Variants in CTIF observed in about 807,000 individuals in gnomAD.
The protein encoded by CTIF is cap binding complex dependent translation initiation factor.
CTIF carries 21 observed loss-of-function variants against 66.0 expected under a neutral mutation model. That is an observed-to-expected ratio of 0.32 (90% CI 0.23 to 0.46). CTIF has a LOEUF of 0.46. Ranked by LOEUF, CTIF falls within the 20% of genes least tolerant of loss-of-function variation. The pLI is 1.00. For missense variants in CTIF, 739 were observed against 812.7 expected (o/e 0.91, Z 1.10); for synonymous variants, 345 against 326.4 (o/e 1.06, Z -0.62).
chr18:48,565,427 T>A (rs2089258558), intron 1 of CTIF: 1 of 152,196 alleles, frequency 6.6e-6, no homozygotes, highest in Non-Finnish European at 1.5e-5. Flanking sequence ...TCTCCTGCCT[T>A]GGGGCATGTG....
rs963949221 is a variant in CTIF at position 48,861,031 on chromosome 18, T to C, written c.*1472T>C. ...GCCGCTTCCTTATTTGCTCTTTTAT[T>C]GAGGCCGGGCAGGCCCTGGGTCACT... On this transcript the variant is annotated 3_prime_UTR_variant, in exon 12 of 12. Coordinates refer to ENST00000256413, the MANE Select transcript of CTIF (RefSeq NM_014772.3). 1.3e-5 allele frequency: 2 copies of C among 152,214 alleles called. No homozygotes were observed. The highest frequency in any genetic ancestry group is 4.8e-5 in the African/African-American group (2 of 41,420). The allele number at this position is 152,214 out of a possible 1,614,324, so 9.4% of individuals were successfully genotyped here. A position where few individuals can be genotyped will look rare whatever the true frequency, so the allele number is the denominator to read the frequency against.
chr18:48,683,889 G>C (rs1490277172), intron 6 of CTIF, among the ~76,000 whole-genome samples: 2 of 152,182 alleles, frequency 1.3e-5, no homozygotes, highest in Non-Finnish European at 2.9e-5. Context: ...TGGGGCCCAG[G>C]CTCCCAAGCT....
chr18:48,829,727 G>A (rs1225063739), intron 10 of CTIF, among the ~76,000 whole-genome samples: 2 of 152,196 alleles, frequency 1.3e-5, no homozygotes, highest in South Asian at 2.1e-4. Flanking sequence ...AGGAGCAAAC[G>A]GTGCCCTGCA....
intron 6 of CTIF, among the ~76,000 whole-genome samples, chr18:48,693,767 A>G (rs989021989): frequency 6.6e-6 from 1 of 152,210 alleles, no homozygotes; most frequent in African/African-American, 2.4e-5. Context: ...ATTGGTTTTT[A>G]TAAATAAAGC....
chr18:48,749,230 G>A (rs974461379), intron 7 of CTIF, among the ~76,000 whole-genome samples: 8 of 152,226 alleles, frequency 5.3e-5, no homozygotes, highest in South Asian at 2.1e-4. Context: ...CAGAGGGCCA[G>A]CTAAGGCCCA....
chr18:48,831,368 G>A (rs1239522698), intron 10 of CTIF, among the ~76,000 whole-genome samples: 1 of 152,246 alleles, frequency 6.6e-6, no homozygotes, highest in East Asian at 1.9e-4. Flanking sequence ...ACAATCTTTA[G>A]GAGAAGTCAG....
At chr18:48,749,785 C>G (rs1388148891) in intron 7 of CTIF, among the ~76,000 whole-genome samples, 1 of 152,330 alleles carries the variant, frequency 6.6e-6, no homozygotes, top group East Asian at 1.9e-4. Context: ...CTCTGGGGAT[C>G]TGGCTCCAAA....
intron 1 of CTIF, among the ~76,000 whole-genome samples, chr18:48,542,196 T>C (rs1467223913): frequency 6.6e-6 from 1 of 152,256 alleles, no homozygotes; most frequent in Non-Finnish European, 1.5e-5. Flanking sequence ...ACGCATTTAA[T>C]AATTTGCTGT....
chr18:48,825,194 CACCA>C (rs2068558941), intron 10 of CTIF, among the ~76,000 whole-genome samples: 1 of 152,142 alleles, frequency 6.6e-6, no homozygotes, highest in Non-Finnish European at 1.5e-5. Flanking sequence ...TCCTGATCCC[CACCA>C]ACCTCTCCCT....
chr18:48,783,594 C>G (rs866729048), intron 9 of CTIF, among the ~76,000 whole-genome samples: 1 of 152,118 alleles, frequency 6.6e-6, no homozygotes, highest in East Asian at 1.9e-4. Flanking sequence ...GGGGAGGCCT[C>G]CGACCCTGGG....
At chr18:48,711,730 C>T (rs2092225584) in intron 7 of CTIF, 35 bp downstream of exon 7, 1 of 1,571,384 alleles carries the variant, frequency 6.4e-7, no homozygotes, top group Non-Finnish European at 8.8e-7. Flanking sequence ...TTGGGTTTTC[C>T]TTTCCTGCTT....
intron 6 of CTIF, among the ~76,000 whole-genome samples, chr18:48,704,853 A>G (rs1388983529): frequency 1.3e-5 from 2 of 152,202 alleles, no homozygotes; most frequent in Admixed American, 1.3e-4. Flanking sequence ...TCAACCCATG[A>G]CATCATCCAG....
intron 10 of CTIF, among the ~76,000 whole-genome samples, chr18:48,854,014 T>C (rs774172037): frequency 1.3e-5 from 2 of 152,226 alleles, no homozygotes; most frequent in Non-Finnish European, 2.9e-5. Flanking sequence ...TCTCACCTTC[T>C]ACCCTTCCTT....
chr18:48,731,779 G>A (rs1443679738), intron 7 of CTIF, among the ~76,000 whole-genome samples: 2 of 152,168 alleles, frequency 1.3e-5, no homozygotes, highest in Non-Finnish European at 2.9e-5. Flanking sequence ...TGCTTTTTAT[G>A]GGACACCTCC....
chr18:48,606,163 C>G (rs191871602), intron 1 of CTIF, among the ~76,000 whole-genome samples: 3 of 152,202 alleles, frequency 2.0e-5, no homozygotes, highest in Non-Finnish European at 4.4e-5. Flanking sequence ...CCAGAAGAAG[C>G]CTTTGCAGCT....
intron 5 of CTIF, among the ~76,000 whole-genome samples, chr18:48,666,565 GA>G (rs1329324375): frequency 6.6e-6 from 1 of 152,210 alleles, no homozygotes; most frequent in African/African-American, 2.4e-5. Context: ...TTGCTGGGGA[GA>G]GGCCCATCAC....
chr18:48,660,083 G>A (rs1292588283), intron 3 of CTIF, among the ~76,000 whole-genome samples: 1 of 149,778 alleles, frequency 6.7e-6, no homozygotes, highest in Non-Finnish European at 1.5e-5. Context: ...CTCCCCAGCT[G>A]GGCCATGGCC....
At chr18:48,645,403 C>T (rs1380497585) in intron 3 of CTIF, among the ~76,000 whole-genome samples, 4 of 151,986 alleles carry the variant, frequency 2.6e-5, no homozygotes, top group South Asian at 4.1e-4. Context: ...AAAAACTTTT[C>T]GACTGTCACT....
intron 10 of CTIF, among the ~76,000 whole-genome samples, chr18:48,825,492 A>G (rs957869354): frequency 1.3e-5 from 2 of 152,202 alleles, no homozygotes; most frequent in South Asian, 2.1e-4. Context: ...TGTGCATTCA[A>G]TTGCTCACAT....
Sources: gnomAD v4.1 joint callset for allele counts (sites outside exome capture counted in the v4.1 genomes callset) on GRCh38, gnomAD v4.1.1 for gene constraint, MANE v1.5 for transcripts, NCBI Gene and HGNC (gene_info 2026-07-23, HGNC 2026-07-21) for gene names.